CACNA1A: variants seen among roughly 807,000 people sequenced by gnomAD.
CACNA1A encodes the protein voltage-dependent P/Q-type calcium channel subunit alpha-1A.
Under a neutral mutation model 262.4 loss-of-function variants are expected in CACNA1A, and 57 were observed. The observed-to-expected ratio is 0.22, with a 90% confidence interval of 0.18 to 0.27. The LOEUF is 0.27. Ranked by LOEUF, CACNA1A falls within the 10% of genes least tolerant of loss-of-function variation. The pLI, the probability that CACNA1A is intolerant of heterozygous loss-of-function variation, is 1.00. For synonymous variants in CACNA1A, 1,431 were observed against 1,419.3 expected (o/e 1.01, Z -0.18); for missense variants, 2,526 against 3,562.8 (o/e 0.71, Z 7.41).
intron 24 of CACNA1A, among the ~76,000 whole-genome samples, chr19:13,267,136 G>C (rs2056881895): frequency 6.6e-6 from 1 of 152,120 alleles, no homozygotes; most frequent in East Asian, 1.9e-4. Context: ...ATATGAGAGA[G>C]AGAGAGAGAG....
intron 3 of CACNA1A, among the ~76,000 whole-genome samples, chr19:13,418,467 G>A (rs1208941853): frequency 6.6e-6 from 1 of 152,134 alleles, no homozygotes; most frequent in African/African-American, 2.4e-5. Context: ...AAAAAATAAG[G>A]TATGCAGGTA....
At position 13,208,999 on chromosome 19, in the gene CACNA1A, T is replaced by G. The variant is rs1349282869; in HGVS notation, c.6537A>C (p.Thr2179=). The G allele has an allele frequency of 2.1e-5, 32 of 1,537,038 alleles. No homozygotes were observed. Among genetic ancestry groups the G allele is most frequent in the Non-Finnish European group, 2.7e-5 (31 of 1,146,886 alleles). The change falls in exon 46 of 47, where the codon ACA becomes ACC. Residue 2179 remains threonine (T), a synonymous_variant. Transcript: ENST00000360228. ...RYTDVDTGLG[T]DLSMTTQSGD... Reference sequence around the variant, plus strand: ...CGGATTGGGTGGTCATGCTCAGGTCTGTCCCCAAGCCTGGGCCGGGTGAGG... The same window carrying G: ...CGGATTGGGTGGTCATGCTCAGGTCGGTCCCCAAGCCTGGGCCGGGTGAGG...
chr19:13,233,203 C>A (rs989133986), intron 34 of CACNA1A, among the ~76,000 whole-genome samples: 4 of 152,164 alleles, frequency 2.6e-5, no homozygotes, highest in Non-Finnish European at 5.9e-5. Flanking sequence ...CACAGGCAGT[C>A]CCCTCGGCTT....
chr19:13,356,733 C>T (rs1051343484), intron 6 of CACNA1A, among the ~76,000 whole-genome samples: 1 of 152,158 alleles, frequency 6.6e-6, no homozygotes, highest in African/African-American at 2.4e-5. Flanking sequence ...CTCCATTTCC[C>T]AGTCTCTTTC....
intron 30 of CACNA1A, among the ~76,000 whole-genome samples, chr19:13,247,932 A>G (rs766796480): frequency 1.3e-5 from 2 of 152,116 alleles, no homozygotes; most frequent in Non-Finnish European, 2.9e-5. Flanking sequence ...ACTGGAGGAT[A>G]AATACTCCAA....
intron 19 of CACNA1A, among the ~76,000 whole-genome samples, chr19:13,289,851 T>C (rs2057492547): frequency 6.6e-6 from 1 of 151,764 alleles, no homozygotes; most frequent in Non-Finnish European, 1.5e-5. Flanking sequence ...CCCGCTGTTA[T>C]ATTCTGGAAA....
chr19:13,437,691 C>CAAAAAAAAAAAAAAA (rs35266881), intron 3 of CACNA1A, among the ~76,000 whole-genome samples: 2 of 64,924 alleles, frequency 3.1e-5, no homozygotes, highest in Non-Finnish European at 3.3e-5. Context: ...AACCCCATCT[C>CAAAAAAAAAAAAAAA]AAAAAAAAAA....
intron 34 of CACNA1A, 73 bp downstream of exon 34, chr19:13,234,848 A>G (rs549943302): frequency 5.9e-6 from 6 of 1,017,470 alleles, no homozygotes; most frequent in Non-Finnish European, 9.4e-6. Context: ...TACATCCTCT[A>G]TGGGAACAGA....
At chr19:13,480,841 C>T (rs557126199) in intron 1 of CACNA1A, among the ~76,000 whole-genome samples, 12 of 152,196 alleles carry the variant, frequency 7.9e-5, no homozygotes, top group Admixed American at 2.6e-4. Flanking sequence ...TGAGTTCTTA[C>T]CATGTGCTGG....
At chr19:13,366,836 C>A (rs934146182) in intron 4 of CACNA1A, among the ~76,000 whole-genome samples, 2 of 152,078 alleles carry the variant, frequency 1.3e-5, no homozygotes, top group Non-Finnish European at 2.9e-5. Context: ...AAGCGGTTGG[C>A]GGTCCCAATT....
At chr19:13,325,592 G>A (rs1196914485) in intron 10 of CACNA1A, among the ~76,000 whole-genome samples, 1 of 152,144 alleles carries the variant, frequency 6.6e-6, no homozygotes, top group Admixed American at 6.5e-5. Context: ...CCGCCTCCAT[G>A]CCCAGCCGAT....
intron 10 of CACNA1A, among the ~76,000 whole-genome samples, chr19:13,318,758 T>C (rs2058183250): frequency 6.6e-6 from 1 of 152,066 alleles, no homozygotes; most frequent in South Asian, 2.1e-4. Context: ...GAATGAATGA[T>C]GTACATACAA....
chr19:13,251,147 G>A (rs1246994487), intron 30 of CACNA1A, among the ~76,000 whole-genome samples: 1 of 97,868 alleles, frequency 1.0e-5, no homozygotes, highest in African/African-American at 4.2e-5. Flanking sequence ...AAAAAAAAAA[G>A]TTTTAAAAAT....
At chr19:13,237,386 C>T (rs990386374) in intron 31 of CACNA1A, among the ~76,000 whole-genome samples, 1 of 152,178 alleles carries the variant, frequency 6.6e-6, no homozygotes, top group Non-Finnish European at 1.5e-5. Context: ...CTTCACCCCC[C>T]AAATGGCACA....
chr19:13,421,434 G>A (rs1200467326), intron 3 of CACNA1A, among the ~76,000 whole-genome samples: 23 of 152,088 alleles, frequency 1.5e-4, no homozygotes, highest in Non-Finnish European at 1.5e-5. Flanking sequence ...AAGGAAAGCA[G>A]ATAATTTAAA....
intron 1 of CACNA1A, among the ~76,000 whole-genome samples, chr19:13,458,152 T>C (rs1297768481): frequency 6.6e-6 from 1 of 152,092 alleles, no homozygotes; most frequent in African/African-American, 2.4e-5. Context: ...TCTTTTCTTA[T>C]TTATTTTTAC....
chr19:13,347,070 T>TG (rs761474107), intron 6 of CACNA1A, among the ~76,000 whole-genome samples: 46 of 148,438 alleles, frequency 3.1e-4, no homozygotes, highest in Non-Finnish European at 4.8e-4. Context: ...TTTTTTTGTT[T>TG]TTTTTTTTTG....
intron 3 of CACNA1A, among the ~76,000 whole-genome samples, chr19:13,432,368 T>C (rs1371190574): frequency 1.3e-5 from 2 of 151,024 alleles, no homozygotes; most frequent in Non-Finnish European, 2.9e-5. Flanking sequence ...TGAGCCAAGA[T>C]GGCACCATTG....
chr19:13,506,403 G>C lies in CACNA1A; in HGVS notation c.-179C>G, dbSNP rs1983052139. 9.1e-6 allele frequency: 4 copies of C among 441,270 alleles called. No homozygotes were observed. The highest frequency in any genetic ancestry group is 1.5e-5 in the Non-Finnish European group (4 of 266,652). 27.3% of individuals were successfully genotyped at this position (441,270 alleles called of 1,614,324 possible). A position where few individuals can be genotyped will look rare whatever the true frequency, so the allele number is the denominator to read the frequency against. Reference sequence around the variant, plus strand: ...GGGCGGCGGCGGCTCGGCGCCTCGGGTCGGGGGCTCAGAAGGCGGCTGCCC... The same window carrying C: ...GGGCGGCGGCGGCTCGGCGCCTCGGCTCGGGGGCTCAGAAGGCGGCTGCCC... On this transcript the variant is annotated 5_prime_UTR_variant, in exon 1 of 47. Transcript: ENST00000360228.
Sources: allele counts gnomAD v4.1 joint callset (sites outside exome capture counted in the v4.1 genomes callset), GRCh38; gene constraint gnomAD v4.1.1; transcripts MANE v1.5; gene names NCBI Gene and HGNC (gene_info 2026-07-23, HGNC 2026-07-21).